The following SPATA6 variants were observed in gnomAD, a reference collection of about 807,000 sequenced individuals.
SPATA6 encodes the protein spermatogenesis associated 6.
Under a neutral mutation model 65.3 loss-of-function variants are expected in SPATA6, and 56 were observed. The ratio of observed to expected loss-of-function variants is 0.86; its 90% CI spans 0.69 to 1.07. The LOEUF (loss-of-function observed/expected upper bound fraction) is 1.07, where lower values mean the gene tolerates loss of function less well. SPATA6 is among the 50% of genes least tolerant of loss of function. The pLI, the probability that SPATA6 is intolerant of heterozygous loss-of-function variation, is 0.00. For missense variants in SPATA6, 590 were observed against 594.8 expected, an observed-to-expected ratio of 0.99 and a Z score of 0.08; for synonymous variants, 199 against 213.2, an observed-to-expected ratio of 0.93 and a Z score of 0.58.
At chr1:48,426,389 C>T (rs2148038029) in intron 3 of SPATA6, among the ~76,000 whole-genome samples, 1 of 152,208 alleles carries the variant, frequency 6.6e-6, no homozygotes, top group South Asian at 2.1e-4. Context: ...ATAAGAACTA[C>T]AGAAACTGAC....
chr1:48,298,863 A>G lies in SPATA6; in HGVS notation c.1317T>C (p.His439=). 1.9e-6 allele frequency: 3 copies of G among 1,613,626 alleles called. No homozygotes were observed. Among genetic ancestry groups the G allele is most frequent in the Non-Finnish European group, 2.5e-6 (3 of 1,179,844 alleles). The part of the protein sequence containing the change: ...SSCQQPRGTF[H]LDDGEYWSNR... ...TGGACCAGTATTCACCGTCATCCAAATGGAAAGTGCCACGTGGCTGCTGAC... is the reference window on the plus strand; with the variant it reads ...TGGACCAGTATTCACCGTCATCCAAGTGGAAAGTGCCACGTGGCTGCTGAC... Residue 439 remains histidine, a synonymous_variant, in exon 13 of 13, where the codon CAT becomes CAC. Coordinates refer to ENST00000371847, the MANE Select transcript of SPATA6 (RefSeq NM_019073.4).
intron 1 of SPATA6, among the ~76,000 whole-genome samples, chr1:48,465,175 T>C (rs1287068440): frequency 6.6e-6 from 1 of 152,134 alleles, no homozygotes; most frequent in Non-Finnish European, 1.5e-5. Flanking sequence ...AGGATATTGG[T>C]AGTCACAGAA....
intron 9 of SPATA6, among the ~76,000 whole-genome samples, chr1:48,377,178 T>A (rs896136737): frequency 6.6e-6 from 1 of 152,194 alleles, no homozygotes; most frequent in Non-Finnish European, 1.5e-5. Context: ...TCATTTTCCA[T>A]ACTGCAATTC....
At chr1:48,316,577 C>T (rs1031889251) in intron 11 of SPATA6, among the ~76,000 whole-genome samples, 1 of 152,090 alleles carries the variant, frequency 6.6e-6, no homozygotes, top group Non-Finnish European at 1.5e-5. Flanking sequence ...ACCATAAAAA[C>T]CCTAGAAGAA....
intron 9 of SPATA6, among the ~76,000 whole-genome samples, chr1:48,369,620 C>A (rs567265941): frequency 1.3e-5 from 2 of 152,210 alleles, no homozygotes; most frequent in Non-Finnish European, 2.9e-5. Flanking sequence ...GTTTTTTAAG[C>A]CCGTCGGAAA....
chr1:48,393,237 TG>T (rs1344542429), intron 8 of SPATA6: 2 of 152,086 alleles, frequency 1.3e-5, no homozygotes, highest in African/African-American at 4.8e-5. Context: ...TCCCCAGTAG[TG>T]GAGAAATACC....
At chr1:48,323,931 T>G (rs539241844) in intron 11 of SPATA6, among the ~76,000 whole-genome samples, 1 of 152,206 alleles carries the variant, frequency 6.6e-6, no homozygotes, top group African/African-American at 2.4e-5. Flanking sequence ...TTTATTTTTG[T>G]TATTTTATTT....
In SPATA6 at chr1:48,353,858, T is replaced by C. The variant is rs147258178; in HGVS notation, c.1194+1812A>G. ...AAAGTCTTAAAGTAGACAAAAACTATAAAAATGCTAATCAAAAAGGAAAAA... is the reference window on the plus strand; with the variant it reads ...AAAGTCTTAAAGTAGACAAAAACTACAAAAATGCTAATCAAAAAGGAAAAA... On this transcript the variant is annotated intron_variant, in intron 11 of 12. Coordinates refer to ENST00000371847, the MANE Select transcript of SPATA6 (RefSeq NM_019073.4). Among the ~76,000 whole-genome samples, 1,084 of 151,924 alleles carry C rather than the reference T, an allele frequency of 7.1e-3. 14 individuals are homozygous for C. The highest frequency in any genetic ancestry group is 0.025 in the African/African-American group (1,040 of 41,472).
chr1:48,321,047 G>T (rs1045314103), intron 11 of SPATA6, among the ~76,000 whole-genome samples: 1 of 152,018 alleles, frequency 6.6e-6, no homozygotes, highest in Non-Finnish European at 1.5e-5. Context: ...GCAAAAAATT[G>T]AAACACACCG....
chr1:48,420,826 A>T (rs1049194969), intron 3 of SPATA6, among the ~76,000 whole-genome samples: 1 of 152,226 alleles, frequency 6.6e-6, no homozygotes, highest in Non-Finnish European at 1.5e-5. Context: ...ATGTAGAAAG[A>T]AAGTTTCACA....
intron 6 of SPATA6, among the ~76,000 whole-genome samples, chr1:48,400,269 G>A (rs1228501105): frequency 6.6e-6 from 1 of 151,644 alleles, no homozygotes; most frequent in East Asian, 1.9e-4. Flanking sequence ...CTTAATTCTG[G>A]TCCCATATTT....
intron 1 of SPATA6, among the ~76,000 whole-genome samples, chr1:48,464,321 A>G (rs1487734474): frequency 6.6e-6 from 1 of 152,198 alleles, no homozygotes; most frequent in Non-Finnish European, 1.5e-5. Flanking sequence ...AACAAAACAA[A>G]ACAAAACAAA....
intron 9 of SPATA6, among the ~76,000 whole-genome samples, chr1:48,376,742 T>C (rs1647962892): frequency 6.6e-6 from 1 of 151,978 alleles, no homozygotes; most frequent in South Asian, 2.1e-4. Flanking sequence ...CATCATAGAG[T>C]GTACTTACAT....
chr1:48,386,724 C>G (rs1439468373), intron 8 of SPATA6, among the ~76,000 whole-genome samples: 2 of 152,182 alleles, frequency 1.3e-5, no homozygotes, highest in Non-Finnish European at 2.9e-5. Flanking sequence ...CCCTCGTGAG[C>G]CCTGAAACTA....
chr1:48,457,273 A>T (rs1016955934), intron 1 of SPATA6, among the ~76,000 whole-genome samples: 4 of 151,992 alleles, frequency 2.6e-5, no homozygotes, highest in Admixed American at 2.6e-4. Flanking sequence ...CTCTACTAAA[A>T]ACACAAAAAT....
chr1:48,357,159 C>G (rs1216203297), intron 10 of SPATA6, among the ~76,000 whole-genome samples: 1 of 152,046 alleles, frequency 6.6e-6, no homozygotes, highest in Non-Finnish European at 1.5e-5. Flanking sequence ...AAGCATGATT[C>G]AAAAGAATAT....
At chr1:48,360,596 T>G (rs1646784386) in intron 9 of SPATA6, among the ~76,000 whole-genome samples, 1 of 152,118 alleles carries the variant, frequency 6.6e-6, no homozygotes, top group Non-Finnish European at 1.5e-5. Flanking sequence ...GGAGCTCGAC[T>G]GGGTAGTAAG....
intron 3 of SPATA6, among the ~76,000 whole-genome samples, chr1:48,421,545 G>A (rs527866965): frequency 1.4e-4 from 21 of 152,102 alleles, no homozygotes; most frequent in Admixed American, 5.9e-4. Flanking sequence ...TAAGCCAATC[G>A]TAAATAAATA....
intron 5 of SPATA6, among the ~76,000 whole-genome samples, chr1:48,410,297 A>T (rs767316871): frequency 2.6e-5 from 4 of 152,082 alleles, no homozygotes; most frequent in Admixed American, 6.5e-5. Flanking sequence ...TTCCCAACAA[A>T]TTTCTCATCT....
Sources: gnomAD v4.1 joint callset for allele counts (sites outside exome capture counted in the v4.1 genomes callset) on GRCh38, gnomAD v4.1.1 for gene constraint, MANE v1.5 for transcripts, NCBI Gene and HGNC (gene_info 2026-07-23, HGNC 2026-07-21) for gene names.